Variants in GRID2 observed in about 807,000 individuals in gnomAD.
The protein encoded by GRID2 is glutamate receptor ionotropic, delta-2.
In GRID2, 33 loss-of-function variants were observed where a neutral mutation model predicts 114.8. That is an observed-to-expected ratio of 0.29 (90% CI 0.22 to 0.38). The LOEUF (loss-of-function observed/expected upper bound fraction) is 0.38, where lower values mean the gene tolerates loss of function less well. GRID2 is among the 10% of genes least tolerant of loss of function. The probability of loss-of-function intolerance (pLI) is 1.00; values close to 1 mark genes in which losing one functional copy is unlikely to be tolerated. For missense variants in GRID2, 1,184 were observed against 1,257.7 expected (o/e 0.94, Z 0.89); for synonymous variants, 505 against 449.9 (o/e 1.12, Z -1.55).
chr4:93,426,247 G>A (rs72884576), intron 10 of GRID2, among the ~76,000 whole-genome samples: 10,296 of 152,074 alleles, frequency 0.068, 851 homozygotes, highest in African/African-American at 0.19. Context: ...TACAAAATGG[G>A]CAATCGTCAG....
chr4:92,419,508 G>C (rs1466170344), intron 1 of GRID2, among the ~76,000 whole-genome samples: 1 of 152,090 alleles, frequency 6.6e-6, no homozygotes, highest in African/African-American at 2.4e-5. Flanking sequence ...CATTATATTT[G>C]TGATTTTAGA....
chr4:92,599,406 A>C (rs1019474781), intron 2 of GRID2, among the ~76,000 whole-genome samples: 2 of 152,212 alleles, frequency 1.3e-5, no homozygotes, highest in African/African-American at 4.8e-5. Flanking sequence ...TTATGCTTTG[A>C]AAGATGGATC....
intron 1 of GRID2, among the ~76,000 whole-genome samples, chr4:92,308,493 T>C (rs1244680287): frequency 6.6e-6 from 1 of 152,170 alleles, no homozygotes; most frequent in Admixed American, 6.5e-5. Flanking sequence ...GATGATACTT[T>C]ATCCTCTGAA....
rs562514042 is a variant in GRID2, at chr4:92,992,106, A to C, written c.245-92889A>C. 1.4e-3 allele frequency among the ~76,000 whole-genome samples: 211 copies of C among 152,274 alleles called. 1 individual carries two copies. Among genetic ancestry groups the C allele is most frequent in the African/African-American group, 4.9e-3 (203 of 41,572 alleles). On this transcript the variant is annotated intron_variant, in intron 2 of 15. Transcript: ENST00000282020. ...GTACAAAGTTGCATCAGGTAGAAGA[A>C]GGCAAACCCAGTTTAAAGAACTGGG...
intron 2 of GRID2, among the ~76,000 whole-genome samples, chr4:93,008,989 TC>T: frequency 6.6e-6 from 1 of 152,270 alleles, no homozygotes; most frequent in South Asian, 2.1e-4. Context: ...GAAATAAATT[TC>T]CCTCTTAGTT....
rs368501913 is a variant in GRID2, at chr4:93,412,662, T to C, written c.1348-10109T>C. 3.3e-5 allele frequency among the ~76,000 whole-genome samples: 5 copies of C among 152,260 alleles called. No individual in the cohort carries two copies. In the East Asian group the frequency reaches 7.7e-4, roughly 24 times the overall value. ...TTGTTACATAGGTATACATGTGCCA[T>C]GTTAGTTTGCTGCACCTACCAACCC... On this transcript the variant is annotated intron_variant, in intron 9 of 15. Coordinates refer to ENST00000282020, the MANE Select transcript of GRID2 (RefSeq NM_001510.4).
At chr4:92,649,346 AGTGT>A (rs1731813145) in intron 2 of GRID2, among the ~76,000 whole-genome samples, 1 of 150,490 alleles carries the variant, frequency 6.6e-6, no homozygotes, top group African/African-American at 2.4e-5. Flanking sequence ...TCCAAGCCTG[AGTGT>A]GAAGGCACAA....
chr4:93,551,438 A>G (rs1733742745), intron 13 of GRID2, among the ~76,000 whole-genome samples: 1 of 152,158 alleles, frequency 6.6e-6, no homozygotes, highest in African/African-American at 2.4e-5. Context: ...GGCTAGCAGA[A>G]AAGGCCCTGA....
intron 2 of GRID2, among the ~76,000 whole-genome samples, chr4:92,595,581 AATG>A (rs771320831): frequency 5.3e-5 from 8 of 152,052 alleles, no homozygotes; most frequent in Non-Finnish European, 7.4e-5. Context: ...TCACTAATAA[AATG>A]ATGATTTCAA....
chr4:93,444,690 A>C (rs890488893), intron 10 of GRID2, among the ~76,000 whole-genome samples: 1 of 152,020 alleles, frequency 6.6e-6, no homozygotes, highest in African/African-American at 2.4e-5. Context: ...TGTGCTATCA[A>C]TGTGTTAAAA....
chr4:93,606,766 G>A (rs1740279940), intron 13 of GRID2, among the ~76,000 whole-genome samples: 1 of 152,074 alleles, frequency 6.6e-6, no homozygotes, highest in African/African-American at 2.4e-5. Flanking sequence ...AGTTATTAGA[G>A]CAAAGCAACT....
chr4:92,920,110 T>C (rs531292698), intron 2 of GRID2, among the ~76,000 whole-genome samples: 2 of 152,322 alleles, frequency 1.3e-5, no homozygotes, highest in East Asian at 1.9e-4. Flanking sequence ...AATGGCCTTC[T>C]TTGTCTCTTT....
chr4:93,364,257 G>A (rs1762135927), intron 8 of GRID2, among the ~76,000 whole-genome samples: 1 of 151,850 alleles, frequency 6.6e-6, no homozygotes, highest in Non-Finnish European at 1.5e-5. Context: ...AGACACATGT[G>A]GAAAAATTTT....
intron 2 of GRID2, among the ~76,000 whole-genome samples, chr4:92,722,461 G>A (rs964880941): frequency 3.3e-5 from 5 of 152,098 alleles, no homozygotes; most frequent in African/African-American, 1.2e-4. Flanking sequence ...GGGAACGGGT[G>A]GGGTGGCAAT....
At chr4:93,149,038 GC>G (rs1400966984) in intron 4 of GRID2, among the ~76,000 whole-genome samples, 1 of 152,070 alleles carries the variant, frequency 6.6e-6, no homozygotes, top group African/African-American at 2.4e-5. Context: ...TATTTTCAGG[GC>G]CCCATTCTGT....
intron 14 of GRID2, among the ~76,000 whole-genome samples, chr4:93,721,008 A>T (rs966231655): frequency 1.1e-4 from 16 of 152,194 alleles, no homozygotes; most frequent in African/African-American, 3.9e-4. Context: ...CCAGTAAAAC[A>T]TTCTCAAGTC....
At chr4:92,447,239 A>G (rs1266214589) in intron 1 of GRID2, among the ~76,000 whole-genome samples, 1 of 152,210 alleles carries the variant, frequency 6.6e-6, no homozygotes, top group Admixed American at 6.5e-5. Context: ...CTTTGTTTAT[A>G]TGGTTTCCTT....
intron 2 of GRID2, among the ~76,000 whole-genome samples, chr4:92,888,176 C>T (rs1342199133): frequency 2.6e-5 from 4 of 152,034 alleles, no homozygotes; most frequent in Non-Finnish European, 5.9e-5. Flanking sequence ...TTCTGGTACT[C>T]AAACGATTAT....
rs191198939 is a variant in GRID2 at position 92,590,319 on chromosome 4, G to A, written c.244+33G>A. ...CATCAGTATTTATTTTGGTTTTTTG[G>A]TTCAATTCAAGTGGCAATGAAATTA... is the stretch of plus-strand genomic sequence containing the variant. On this transcript the variant is annotated intron_variant, in intron 2 of 15. Coordinates refer to ENST00000282020, the MANE Select transcript of GRID2 (RefSeq NM_001510.4). The A allele has an allele frequency of 3.4e-4, 517 of 1,524,366 alleles. 3 individuals carry two copies. The African/African-American group carries it at 6.2e-3, about 18-fold the overall frequency. The allele number at this position is 1,524,366 out of a possible 1,614,324, so 94.4% of individuals were successfully genotyped here.
Sources: allele counts gnomAD v4.1 joint callset (sites outside exome capture counted in the v4.1 genomes callset), GRCh38; gene constraint gnomAD v4.1.1; transcripts MANE v1.5; gene names NCBI Gene and HGNC (gene_info 2026-07-23, HGNC 2026-07-21).